Variants in SDK1 observed in about 807,000 individuals in gnomAD.
The protein encoded by SDK1 is protein sidekick-1.
Under a neutral mutation model 245.5 loss-of-function variants are expected in SDK1, and 157 were observed. The ratio of observed to expected loss-of-function variants is 0.64; its 90% CI spans 0.56 to 0.73. SDK1 has a LOEUF of 0.73. SDK1 is among the 30% of genes least tolerant of loss of function. The probability of loss-of-function intolerance (pLI) is 0.00; values close to 1 mark genes in which losing one functional copy is unlikely to be tolerated. For missense variants in SDK1, 3,583 were observed against 3,002.3 expected, an observed-to-expected ratio of 1.19 and a Z score of -4.52; for synonymous variants, 1,647 against 1,278.5, an observed-to-expected ratio of 1.29 and a Z score of -6.15.
intron 1 of SDK1, among the ~76,000 whole-genome samples, chr7:3,334,396 C>A (rs1320812441): frequency 6.6e-6 from 1 of 152,126 alleles, no homozygotes; most frequent in Non-Finnish European, 1.5e-5. Context: ...GGTACGAACT[C>A]CACTTAATTG....
intron 4 of SDK1, among the ~76,000 whole-genome samples, chr7:3,789,561 C>T (rs949107380): frequency 1.2e-4 from 18 of 152,128 alleles, no homozygotes; most frequent in African/African-American, 3.6e-4. Context: ...ACATTGGTCA[C>T]GTGTATATAC....
intron 1 of SDK1, among the ~76,000 whole-genome samples, chr7:3,354,496 A>T (rs1177566880): frequency 6.6e-6 from 1 of 152,230 alleles, no homozygotes; most frequent in African/African-American, 2.4e-5. Context: ...TATAGGTAAC[A>T]TAATAAAAGT....
At chr7:3,365,896 A>T (rs1176165665) in intron 1 of SDK1, among the ~76,000 whole-genome samples, 2 of 152,046 alleles carry the variant, frequency 1.3e-5, no homozygotes, top group Non-Finnish European at 2.9e-5. Flanking sequence ...AAAATTAGCT[A>T]GGCGTGGTGG....
intron 4 of SDK1, among the ~76,000 whole-genome samples, chr7:3,763,929 A>G (rs1780178318): frequency 6.6e-6 from 1 of 152,154 alleles, no homozygotes. Flanking sequence ...TATCACTGCC[A>G]CTGTTACCTC....
At chr7:3,900,754 C>G (rs1404772987) in intron 5 of SDK1, among the ~76,000 whole-genome samples, 1 of 152,054 alleles carries the variant, frequency 6.6e-6, no homozygotes, top group Non-Finnish European at 1.5e-5. Context: ...CCCCTCTTTC[C>G]CTCTTTGCAT....
At chr7:3,941,920 T>C (rs2128121681) in intron 5 of SDK1, among the ~76,000 whole-genome samples, 1 of 151,126 alleles carries the variant, frequency 6.6e-6, no homozygotes, top group East Asian at 1.9e-4. Flanking sequence ...TTTTTTTTTT[T>C]TTTTTTGAGA....
chr7:3,724,661 T>C (rs1201933497), intron 4 of SDK1, among the ~76,000 whole-genome samples: 1 of 152,224 alleles, frequency 6.6e-6, no homozygotes, highest in Non-Finnish European at 1.5e-5. Flanking sequence ...ATAGGCTGCC[T>C]GGTCCTTGGG....
chr7:3,671,545 G>A lies in SDK1; in HGVS notation c.713+29440G>A, dbSNP rs1783701020. Among the ~76,000 whole-genome samples, 2 of 152,166 alleles carry A rather than the reference G, an allele frequency of 1.3e-5. 1 individual carries two copies. The highest frequency in any genetic ancestry group is 4.8e-5 in the African/African-American group (2 of 41,446). Reference sequence around the variant, plus strand: ...TTCTCAATATAGCTGAGACAAATGTGTAGTCTGTATGATCATATCATTGCT... The same window carrying A: ...TTCTCAATATAGCTGAGACAAATGTATAGTCTGTATGATCATATCATTGCT... On this transcript the variant is annotated intron_variant, in intron 4 of 44. Coordinates refer to ENST00000404826, the MANE Select transcript of SDK1 (RefSeq NM_152744.4).
At chr7:3,538,612 G>T (rs1778964857) in intron 1 of SDK1, among the ~76,000 whole-genome samples, 1 of 152,148 alleles carries the variant, frequency 6.6e-6, no homozygotes, top group Non-Finnish European at 1.5e-5. Context: ...TCCATGTTAA[G>T]GAATTTGTAT....
intron 22 of SDK1, among the ~76,000 whole-genome samples, chr7:4,105,398 C>A (rs1308571540): frequency 6.6e-6 from 1 of 151,992 alleles, no homozygotes; most frequent in South Asian, 2.1e-4. Context: ...CCTCCACCCC[C>A]CTGGTTCAAG....
intron 22 of SDK1, 63 bp downstream of exon 22, chr7:4,079,647 A>G (rs1780931922): frequency 6.3e-7 from 1 of 1,598,892 alleles, no homozygotes; most frequent in Non-Finnish European, 8.6e-7. Flanking sequence ...CCTGTGAATG[A>G]GTGGTACCCC....
chr7:3,508,250 C>G (rs1249675805), intron 1 of SDK1, among the ~76,000 whole-genome samples: 1 of 151,700 alleles, frequency 6.6e-6, no homozygotes, highest in African/African-American at 2.4e-5. Context: ...GTCCCTGAAG[C>G]TCTCAAAAGT....
At chr7:3,375,762 G>A (rs960817472) in intron 1 of SDK1, among the ~76,000 whole-genome samples, 3 of 152,182 alleles carry the variant, frequency 2.0e-5, no homozygotes, top group Non-Finnish European at 4.4e-5. Flanking sequence ...CCCCAGGGAA[G>A]CCTTCAGATG....
Position 4,233,430 on chromosome 7 carries a change from C to A in SDK1, c.5992+11C>A. 1 of 1,608,804 alleles carries A rather than the reference C, an allele frequency of 6.2e-7. No individual in the cohort carries two copies. On this transcript the variant is annotated intron_variant, in intron 41 of 44. Transcript: ENST00000404826. ...CCACGGCTGTGTCAGGTAGGCCCTC[C>A]CAGGGAGGTCTGTCTTCTTCTGGAG...
At chr7:4,144,573 T>C (rs10274782) in intron 28 of SDK1, among the ~76,000 whole-genome samples, 84,319 of 151,880 alleles carry the variant, frequency 0.56, 23,687 homozygotes, top group East Asian at 0.79. Context: ...GTTTGTTAAA[T>C]GCGTGGATGA....
At chr7:3,440,145 G>A (rs776549181) in intron 1 of SDK1, among the ~76,000 whole-genome samples, 11 of 152,126 alleles carry the variant, frequency 7.2e-5, no homozygotes, top group African/African-American at 1.4e-4. Context: ...ATTGTGCACC[G>A]TCCTGAGTAG....
intron 1 of SDK1, among the ~76,000 whole-genome samples, chr7:3,391,544 T>C (rs993065295): frequency 2.6e-5 from 4 of 152,046 alleles, no homozygotes; most frequent in Admixed American, 2.0e-4. Flanking sequence ...ACCCAAAATA[T>C]GTTTAAAAAC....
intron 1 of SDK1, among the ~76,000 whole-genome samples, chr7:3,595,263 C>T (rs764919505): frequency 3.3e-5 from 5 of 151,786 alleles, no homozygotes; most frequent in Non-Finnish European, 7.4e-5. Context: ...TTATATACTT[C>T]TACCCTATTC....
At chr7:3,884,460 CTT>C (rs1781290137) in intron 5 of SDK1, among the ~76,000 whole-genome samples, 1 of 152,344 alleles carries the variant, frequency 6.6e-6, no homozygotes, top group South Asian at 2.1e-4. Context: ...ACGTTTGCCT[CTT>C]TCTACCTCCT....
Sources: allele counts gnomAD v4.1 joint callset (sites outside exome capture counted in the v4.1 genomes callset), GRCh38; gene constraint gnomAD v4.1.1; transcripts MANE v1.5; gene names NCBI Gene and HGNC (gene_info 2026-07-23, HGNC 2026-07-21).